The following CDH4 variants were observed in gnomAD, a reference collection of about 807,000 sequenced individuals.
The protein encoded by CDH4 is cadherin-4.
A neutral mutation model predicts 86.0 loss-of-function variants in CDH4; 33 were observed. The observed-to-expected ratio is 0.38, with a 90% CI of 0.29 to 0.51. CDH4 has a LOEUF of 0.51. CDH4 is among the 20% of genes least tolerant of loss of function. CDH4 has a pLI of 0.86. For synonymous variants in CDH4, 555 were observed against 549.4 expected (o/e 1.01, Z -0.14); for missense variants, 1,114 against 1,307.4 (o/e 0.85, Z 2.28).
intron 2 of CDH4, among the ~76,000 whole-genome samples, chr20:61,288,389 A>G (rs1018722267): frequency 2.6e-5 from 4 of 152,178 alleles, no homozygotes; most frequent in Non-Finnish European, 5.9e-5. Context: ...AGCGGTGGCC[A>G]TTGGTTGCTG....
At position 61,928,435 on chromosome 20, in the gene CDH4, T is replaced by A. The variant is rs777792001; in HGVS notation, c.2005+12T>A. On this transcript the variant is annotated intron_variant, in intron 12 of 15. Transcript: ENST00000614565. Reference sequence around the variant, plus strand: ...CACCCGCCTGAACGGTGAGCCCGCCTTAGGCCACGGGGAGGGTCAGACTAG... The same window carrying A: ...CACCCGCCTGAACGGTGAGCCCGCCATAGGCCACGGGGAGGGTCAGACTAG... The A allele has an allele frequency of 6.2e-7, 1 of 1,609,746 alleles. No individual in the cohort carries two copies. Among genetic ancestry groups the A allele is most frequent in the South Asian group, 1.1e-5 (1 of 91,042 alleles).
chr20:61,364,847 G>A (rs2084802676), intron 2 of CDH4, among the ~76,000 whole-genome samples: 1 of 152,184 alleles, frequency 6.6e-6, no homozygotes, highest in South Asian at 2.1e-4. Context: ...TCACAGTGCG[G>A]CCCCCGACGA....
At chr20:61,415,869 G>A (rs2085144104) in intron 2 of CDH4, among the ~76,000 whole-genome samples, 1 of 151,614 alleles carries the variant, frequency 6.6e-6, no homozygotes, top group Non-Finnish European at 1.5e-5. Flanking sequence ...CTGGCTACTT[G>A]TCGTATTTTT....
intron 2 of CDH4, among the ~76,000 whole-genome samples, chr20:61,302,969 C>G (rs1174165493): frequency 6.6e-6 from 1 of 152,140 alleles, no homozygotes; most frequent in Non-Finnish European, 1.5e-5. Context: ...ACAGGTGCCT[C>G]CAGAGGCTAG....
chr20:61,546,205 C>T (rs996496761), intron 2 of CDH4, among the ~76,000 whole-genome samples: 3 of 79,212 alleles, frequency 3.8e-5, no homozygotes, highest in Non-Finnish European at 7.4e-5. Flanking sequence ...TATTCACATT[C>T]GTGCGTGTGT....
intron 2 of CDH4, chr20:61,499,585 T>A: frequency 2.6e-6 from 3 of 1,149,344 alleles, no homozygotes; most frequent in Non-Finnish European, 3.5e-6. Flanking sequence ...GTCCCTGAGG[T>A]CACACAGGGA....
At chr20:61,400,192 G>A (rs2085042073) in intron 2 of CDH4, among the ~76,000 whole-genome samples, 1 of 152,178 alleles carries the variant, frequency 6.6e-6, no homozygotes, top group African/African-American at 2.4e-5. Context: ...TCTCTGGAGG[G>A]AGTTAGTGCC....
At chr20:61,522,132 G>A (rs976608042) in intron 2 of CDH4, among the ~76,000 whole-genome samples, 5 of 152,216 alleles carry the variant, frequency 3.3e-5, no homozygotes, top group Admixed American at 2.6e-4. Context: ...AGTGGCGTGG[G>A]CTCCTGCTTC....
intron 2 of CDH4, among the ~76,000 whole-genome samples, chr20:61,615,778 G>T (rs948707681): frequency 7.9e-5 from 12 of 152,230 alleles, no homozygotes; most frequent in East Asian, 1.9e-4. Context: ...GAGGGTAACT[G>T]AATCTTGCAC....
At chr20:61,820,851 C>T (rs1004357326) in intron 4 of CDH4, among the ~76,000 whole-genome samples, 1 of 152,126 alleles carries the variant, frequency 6.6e-6, no homozygotes, top group African/African-American at 2.4e-5. Flanking sequence ...GAGGCTGTGC[C>T]CCCTTCAGGC....
intron 2 of CDH4, among the ~76,000 whole-genome samples, chr20:61,714,550 C>T (rs533246367): frequency 6.6e-5 from 10 of 152,254 alleles, no homozygotes; most frequent in Admixed American, 2.0e-4. Context: ...TTTAATCTCT[C>T]GCTACCCTCC....
intron 2 of CDH4, among the ~76,000 whole-genome samples, chr20:61,545,940 ATGTGG>A (rs1568886457): frequency 4.5e-3 from 213 of 47,078 alleles, no homozygotes; most frequent in Middle Eastern, 0.045. Context: ...TGGAGGGGGT[ATGTGG>A]GATACGGTGT....
chr20:61,520,409 C>G (rs139143899), intron 2 of CDH4, among the ~76,000 whole-genome samples: 155 of 152,316 alleles, frequency 1.0e-3, no homozygotes, highest in African/African-American at 3.6e-3. Flanking sequence ...TCAGGAAAGT[C>G]ACTGAGCCTC....
At chr20:61,926,932 C>A (rs1272175072) in intron 11 of CDH4, among the ~76,000 whole-genome samples, 1 of 152,158 alleles carries the variant, frequency 6.6e-6, no homozygotes, top group African/African-American at 2.4e-5. Flanking sequence ...TCGGAGCGTC[C>A]ATCGCACGTG....
intron 2 of CDH4, among the ~76,000 whole-genome samples, chr20:61,613,163 T>TA (rs2086698275): frequency 6.6e-6 from 1 of 152,084 alleles, no homozygotes; most frequent in Non-Finnish European, 1.5e-5. Flanking sequence ...GCTTTTCTTC[T>TA]TCTCCTGCCC....
rs374049051 is a variant in CDH4, at chr20:61,928,282, A to T, written c.1864A>T (p.Ile622Phe). The T allele has an allele frequency of 6.2e-7, 1 of 1,610,026 alleles. No individual in the cohort carries two copies. The highest frequency in any genetic ancestry group is 8.5e-7 in the Non-Finnish European group (1 of 1,179,998). The change falls in exon 12 of 16, where the codon ATC (isoleucine) becomes TTC (phenylalanine). Residue 622 changes from isoleucine to phenylalanine, a missense_variant. By Grantham distance (21) the Ile-to-Phe change is conservative. Around this residue, in one of 3 missense-constraint regions of CDH4, gnomAD observed 705 missense variants for 914.1 expected, o/e 0.77. Transcript: ENST00000614565. ...APELLPKEAQ[I>F]CEKPNLNAIN... ...TGAGCTGCTGCCCAAGGAGGCGCAGATCTGCGAGAAGCCCAACCTGAACGC... is the reference window on the plus strand; with the variant it reads ...TGAGCTGCTGCCCAAGGAGGCGCAGTTCTGCGAGAAGCCCAACCTGAACGC...
intron 4 of CDH4, among the ~76,000 whole-genome samples, chr20:61,774,889 T>A (rs1423882143): frequency 1.3e-5 from 2 of 152,198 alleles, no homozygotes; most frequent in Non-Finnish European, 2.9e-5. Flanking sequence ...TATTCCATGG[T>A]GTATTTGTAC....
At chr20:61,505,574 G>T (rs752895622) in intron 2 of CDH4, among the ~76,000 whole-genome samples, 1 of 152,174 alleles carries the variant, frequency 6.6e-6, no homozygotes, top group Non-Finnish European at 1.5e-5. Flanking sequence ...CCTTCCTAAC[G>T]CTGGTGCCCC....
At position 61,501,407 on chromosome 20, in the gene CDH4, A is replaced by G. The variant is rs906081850; in HGVS notation, c.170-242156A>G. On this transcript the variant is annotated intron_variant, in intron 2 of 15. Transcript: ENST00000614565. This position sits in a 1 kb window ranked among gnomAD's most constrained non-coding sequence, Gnocchi z 4.2. Reference sequence around the variant, plus strand: ...GTGTGGCCTGCTTGGGAAATGCTGAAAAGTGTTGGTGTTTACCTGGCTACG... The same window carrying G: ...GTGTGGCCTGCTTGGGAAATGCTGAGAAGTGTTGGTGTTTACCTGGCTACG... Among the ~76,000 whole-genome samples, 5 of 152,136 alleles carry G rather than the reference A, an allele frequency of 3.3e-5. No homozygotes were observed. The highest frequency in any genetic ancestry group is 7.4e-5 in the Non-Finnish European group (5 of 68,018).
Sources: gnomAD v4.1 joint callset for allele counts (sites outside exome capture counted in the v4.1 genomes callset) on GRCh38, gnomAD v4.1.1 for gene constraint, gnomAD v4.1.1 regional missense constraint, Gnocchi (gnomAD v3.1) non-coding constraint, MANE v1.5 for transcripts, NCBI Gene and HGNC (gene_info 2026-07-23, HGNC 2026-07-21) for gene names.